NHEJ1: variants seen among roughly 807,000 people sequenced by gnomAD.
NHEJ1 encodes the protein non-homologous end-joining factor 1.
Under a neutral mutation model 39.4 loss-of-function variants are expected in NHEJ1, and 22 were observed. The ratio of observed to expected loss-of-function variants is 0.56; its 90% CI spans 0.40 to 0.80. The LOEUF is 0.80. NHEJ1 is among the 30% of genes least tolerant of loss of function. The pLI, the probability that NHEJ1 is intolerant of heterozygous loss-of-function variation, is 0.00. For synonymous variants in NHEJ1, 154 were observed against 135.6 expected, an observed-to-expected ratio of 1.14 and a Z score of -0.94; for missense variants, 329 against 357.1, an observed-to-expected ratio of 0.92 and a Z score of 0.63.
intron 5 of NHEJ1, among the ~76,000 whole-genome samples, chr2:219,120,549 CT>C (rs1949461755): frequency 6.6e-6 from 1 of 152,166 alleles, no homozygotes; most frequent in South Asian, 2.1e-4. Flanking sequence ...ATTCCTGGAC[CT>C]AACTCTAGGA....
At position 219,073,478 on chromosome 2, in the gene NHEJ1, A is replaced by G. The variant is rs1948982918; in HGVS notation, c.*2903T>C. ...AGAAAAGGAGGTGCTACCCAGCTAG[A>G]GTGGAAAGGGATGAGGCTTTCTCTC... On this transcript the variant is annotated 3_prime_UTR_variant, in exon 8 of 8. Coordinates refer to ENST00000356853, the MANE Select transcript of NHEJ1 (RefSeq NM_024782.3). 1.3e-5 allele frequency among the ~76,000 whole-genome samples: 2 copies of G among 152,180 alleles called. No individual in the cohort carries two copies. The highest frequency in any genetic ancestry group is 2.9e-5 in the Non-Finnish European group (2 of 68,022).
chr2:219,126,525 C>A (rs1477293893), intron 5 of NHEJ1, among the ~76,000 whole-genome samples: 8 of 152,134 alleles, frequency 5.3e-5, no homozygotes, highest in South Asian at 4.1e-4. Flanking sequence ...GGCAGTTATG[C>A]GAATCAAATG....
intron 3 of NHEJ1, among the ~76,000 whole-genome samples, chr2:219,150,786 T>C (rs903579686): frequency 1.3e-5 from 2 of 151,908 alleles, no homozygotes; most frequent in African/African-American, 4.8e-5. Flanking sequence ...TGAAACCCCG[T>C]CTCTACTAAA....
chr2:219,081,875 G>A lies in NHEJ1; in HGVS notation c.589-3669C>T, dbSNP rs1949070295. On this transcript the variant is annotated intron_variant, in intron 5 of 7. Coordinates refer to ENST00000356853, the MANE Select transcript of NHEJ1 (RefSeq NM_024782.3). ...CTGGAAGTAAGTGAAGCATAAAGGT[G>A]TGAAGACAGGGTATGTGGATGTGTC... 1.3e-5 allele frequency among the ~76,000 whole-genome samples: 2 copies of A among 152,246 alleles called. 1 individual carries two copies. Among genetic ancestry groups the A allele is most frequent in the South Asian group, 4.1e-4 (2 of 4,828 alleles).
intron 5 of NHEJ1, among the ~76,000 whole-genome samples, chr2:219,115,000 T>C (rs1447406291): frequency 6.6e-6 from 1 of 151,940 alleles, no homozygotes; most frequent in African/African-American, 2.4e-5. Flanking sequence ...AGAGCCTCTA[T>C]AATTAACAGA....
intron 3 of NHEJ1, among the ~76,000 whole-genome samples, chr2:219,151,958 A>C (rs138683276): frequency 2.6e-5 from 4 of 152,126 alleles, no homozygotes; most frequent in African/African-American, 9.6e-5. Context: ...ACAGAGAGAG[A>C]CTCCATCTCA....
At chr2:219,110,994 G>T (rs1057201722) in intron 5 of NHEJ1, among the ~76,000 whole-genome samples, 2 of 152,120 alleles carry the variant, frequency 1.3e-5, no homozygotes, top group Admixed American at 1.3e-4. Flanking sequence ...AAAGGGACAT[G>T]GGTAGATAAG....
chr2:219,158,408 G>C, intron 1 of NHEJ1, 46 bp from the exon 2 acceptor site: 1 of 1,589,362 alleles, frequency 6.3e-7, no homozygotes, highest in Non-Finnish European at 8.6e-7. Flanking sequence ...GGTCATGCTG[G>C]CCTAGGGAGG....
intron 5 of NHEJ1, among the ~76,000 whole-genome samples, chr2:219,081,371 C>A (rs895210734): frequency 6.6e-6 from 1 of 152,078 alleles, no homozygotes; most frequent in Admixed American, 6.5e-5. Flanking sequence ...TAAATAGTGC[C>A]CCCTGCTATA....
At chr2:219,115,964 A>G (rs556802551) in intron 5 of NHEJ1, among the ~76,000 whole-genome samples, 48 of 152,216 alleles carry the variant, frequency 3.2e-4, no homozygotes, top group Non-Finnish European at 4.6e-4. Context: ...TACTAAAAAT[A>G]TAAAAATTCG....
chr2:219,140,416 G>A (rs1949679432), intron 5 of NHEJ1, among the ~76,000 whole-genome samples: 1 of 152,220 alleles, frequency 6.6e-6, no homozygotes, highest in East Asian at 1.9e-4. Context: ...GGGGGTAGGA[G>A]TAGCTGCAGG....
In NHEJ1 at chr2:219,157,991, TCACACACACACACACACACA is replaced by T. The variant is rs58103413; in HGVS notation, c.177+175_177+194del. Among the ~76,000 whole-genome samples, 40 of 99,270 alleles carry T rather than the reference TCACACACACACACACACACA, an allele frequency of 4.0e-4. 1 individual carries two copies. Among genetic ancestry groups the T allele is most frequent in the African/African-American group, 7.8e-4 (23 of 29,608 alleles). 65.1% of individuals were successfully genotyped at this position (99,270 alleles called of 152,430 possible). A position where few individuals can be genotyped will look rare whatever the true frequency, so the allele number is the denominator to read the frequency against. ...CTTTCTTTCTCTCTCTCTCTCTCTC[TCACACACACACACACACACA>T]CACACACACACACACACACACACAC... On this transcript the variant is annotated intron_variant, in intron 2 of 7. Coordinates refer to ENST00000356853, the MANE Select transcript of NHEJ1 (RefSeq NM_024782.3).
Position 219,074,150 on chromosome 2 carries a change from G to C in NHEJ1, c.*2231C>G, listed in dbSNP as rs1322204414. Among the ~76,000 whole-genome samples, 1 of 152,250 alleles carries C rather than the reference G, an allele frequency of 6.6e-6. No individual in the cohort carries two copies. Among genetic ancestry groups the C allele is most frequent in the Admixed American group, 6.5e-5 (1 of 15,292 alleles). On this transcript the variant is annotated 3_prime_UTR_variant, in exon 8 of 8. Transcript: ENST00000356853. ...AATGGAGACAGCAACCTTTGGGGATGATGGGGGCAGTGGATGGAAGGTTAC... is the reference window on the plus strand; with the variant it reads ...AATGGAGACAGCAACCTTTGGGGATCATGGGGGCAGTGGATGGAAGGTTAC...
At position 219,115,664 on chromosome 2, in the gene NHEJ1, T is replaced by G. The variant is rs1361791015; in HGVS notation, c.588+31016A>C. 2.0e-5 allele frequency among the ~76,000 whole-genome samples: 3 copies of G among 152,238 alleles called. No homozygotes were observed. The East Asian group carries it at 5.8e-4, about 29-fold the overall frequency. ...CACCTCTTAACACTCAGCCACTGTA[T>G]ACACATGCACAAGTCTTCAGAGAAA... is the stretch of plus-strand genomic sequence containing the variant. On this transcript the variant is annotated intron_variant, in intron 5 of 7. Coordinates refer to ENST00000356853, the MANE Select transcript of NHEJ1 (RefSeq NM_024782.3).
At chr2:219,144,720 A>G (rs2106360175) in intron 5 of NHEJ1, among the ~76,000 whole-genome samples, 1 of 152,346 alleles carries the variant, frequency 6.6e-6, no homozygotes, top group Non-Finnish European at 1.5e-5. Context: ...GCACTAGATC[A>G]GGAAGAGACC....
intron 5 of NHEJ1, among the ~76,000 whole-genome samples, chr2:219,097,889 T>C (rs1277986781): frequency 1.3e-5 from 2 of 152,058 alleles, no homozygotes; most frequent in African/African-American, 4.8e-5. Flanking sequence ...GGGTAGAGAA[T>C]AGAAGAGGGC....
chr2:219,134,853 C>A (rs1949610503), intron 5 of NHEJ1, among the ~76,000 whole-genome samples: 2 of 151,766 alleles, frequency 1.3e-5, no homozygotes, highest in South Asian at 4.2e-4. Context: ...GCCTGGCCAA[C>A]ATGGTGAAAC....
chr2:219,134,633 T>G (rs1255549421), intron 5 of NHEJ1, among the ~76,000 whole-genome samples: 1 of 152,224 alleles, frequency 6.6e-6, no homozygotes, highest in Non-Finnish European at 1.5e-5. Flanking sequence ...CATTTCTTTG[T>G]AGAAGATTCT....
In NHEJ1 at chr2:219,088,620, T is replaced by C. The variant is rs117369001; in HGVS notation, c.589-10414A>G. The stretch of plus-strand genomic sequence containing the variant: ...TTAATGATCATATTAGAAGTCAGGA[T>C]AGTGTAGTGGTGTTACCCTTTGGAG... On this transcript the variant is annotated intron_variant, in intron 5 of 7. Transcript: ENST00000356853. 1.1e-3 allele frequency among the ~76,000 whole-genome samples: 171 copies of C among 152,330 alleles called. 4 individuals are homozygous for C. In the East Asian group the frequency reaches 0.028, roughly 25 times the overall value.
Sources: allele counts gnomAD v4.1 joint callset (sites outside exome capture counted in the v4.1 genomes callset), GRCh38; gene constraint gnomAD v4.1.1; transcripts MANE v1.5; gene names NCBI Gene and HGNC (gene_info 2026-07-23, HGNC 2026-07-21).